The following SEMA3E variants were observed in gnomAD, a reference collection of about 807,000 sequenced individuals.
The protein encoded by SEMA3E is semaphorin-3E.
Under a neutral mutation model 93.6 loss-of-function variants are expected in SEMA3E, and 49 were observed. The observed-to-expected ratio is 0.52, with a 90% CI of 0.42 to 0.66. The LOEUF (loss-of-function observed/expected upper bound fraction) is 0.66. SEMA3E is among the 30% of genes least tolerant of loss of function. SEMA3E has a pLI of 0.00. For synonymous variants in SEMA3E, 363 were observed against 330.7 expected, an observed-to-expected ratio of 1.10 and a Z score of -1.06; for missense variants, 906 against 964.8, an observed-to-expected ratio of 0.94 and a Z score of 0.81.
intron 2 of SEMA3E, among the ~76,000 whole-genome samples, chr7:83,488,536 G>T (rs1287802052): frequency 6.6e-6 from 1 of 152,130 alleles, no homozygotes; most frequent in Non-Finnish European, 1.5e-5. Flanking sequence ...GAAGCAAGTG[G>T]TTTCAACCTA....
chr7:83,532,524 C>T (rs935433711), intron 1 of SEMA3E, among the ~76,000 whole-genome samples: 2 of 152,116 alleles, frequency 1.3e-5, no homozygotes, highest in Admixed American at 1.3e-4. Flanking sequence ...TACAGTACAG[C>T]GGGATGTAAC....
At chr7:83,376,842 C>A (rs1292006817) in intron 16 of SEMA3E, among the ~76,000 whole-genome samples, 1 of 151,918 alleles carries the variant, frequency 6.6e-6, no homozygotes, top group African/African-American at 2.4e-5. Context: ...CACAGAAACA[C>A]ATATTTCCTC....
intron 1 of SEMA3E, among the ~76,000 whole-genome samples, chr7:83,503,010 C>CTTTTTTTTT (rs71522664): frequency 7.2e-6 from 1 of 138,872 alleles, no homozygotes. Context: ...TTCTTTCTCT[C>CTTTTTTTTT]TCTTTTTTTT....
intron 1 of SEMA3E, among the ~76,000 whole-genome samples, chr7:83,639,932 G>C (rs1793969237): frequency 6.6e-6 from 1 of 151,958 alleles, no homozygotes; most frequent in Admixed American, 6.6e-5. Flanking sequence ...GAAAGGACCT[G>C]AAGTTCATAA....
intron 1 of SEMA3E, among the ~76,000 whole-genome samples, chr7:83,597,672 G>A (rs542374814): frequency 4.3e-4 from 66 of 152,204 alleles, no homozygotes; most frequent in African/African-American, 1.5e-3. Context: ...TAGATTCAGC[G>A]TGTATAAATA....
chr7:83,526,967 C>T (rs185178134), intron 1 of SEMA3E, among the ~76,000 whole-genome samples: 2 of 149,568 alleles, frequency 1.3e-5, no homozygotes, highest in East Asian at 2.0e-4. Flanking sequence ...CCCAGCTTTG[C>T]GAGTGTGACC....
intron 5 of SEMA3E, among the ~76,000 whole-genome samples, chr7:83,413,544 T>A (rs1041424981): frequency 6.6e-6 from 1 of 152,100 alleles, no homozygotes; most frequent in African/African-American, 2.4e-5. Context: ...CAAAATGCAC[T>A]TGGGAGGATG....
At chr7:83,527,003 G>A (rs754257935) in intron 1 of SEMA3E, among the ~76,000 whole-genome samples, 5 of 151,980 alleles carry the variant, frequency 3.3e-5, no homozygotes, top group Non-Finnish European at 7.4e-5. Context: ...GTCTTATAAG[G>A]TAATATGAGG....
intron 4 of SEMA3E, among the ~76,000 whole-genome samples, chr7:83,430,341 T>A (rs1040921327): frequency 2.0e-5 from 3 of 151,936 alleles, no homozygotes; most frequent in African/African-American, 7.3e-5. Context: ...GGTGCACACC[T>A]GTAATGCCAG....
chr7:83,480,481 G>A (rs1011577590), intron 2 of SEMA3E, among the ~76,000 whole-genome samples: 1 of 151,946 alleles, frequency 6.6e-6, no homozygotes, highest in Non-Finnish European at 1.5e-5. Context: ...AAAGTCACAG[G>A]GAATGTTTTT....
intron 4 of SEMA3E, among the ~76,000 whole-genome samples, chr7:83,446,724 GA>G (rs1290414666): frequency 1.3e-5 from 2 of 152,152 alleles, no homozygotes; most frequent in Non-Finnish European, 1.5e-5. Flanking sequence ...ACATTATAAT[GA>G]AAATAACTTG....
chr7:83,368,538 T>C (rs925366786), intron 16 of SEMA3E, among the ~76,000 whole-genome samples: 1 of 152,176 alleles, frequency 6.6e-6, no homozygotes, highest in Non-Finnish European at 1.5e-5. Context: ...AGAACTGGGC[T>C]CCTTTCACTT....
Position 83,400,238 on chromosome 7 carries a change from C to T in SEMA3E, c.1156G>A (p.Val386Ile). 3.7e-6 allele frequency: 6 copies of T among 1,613,922 alleles called. No homozygotes were observed. The highest frequency in any genetic ancestry group is 5.1e-6 in the Non-Finnish European group (6 of 1,179,908). The change falls in exon 11 of 17, where the codon GTA (valine) becomes ATA (isoleucine). Residue 386 changes from valine (V) to isoleucine (I), a missense_variant. Coordinates refer to ENST00000643230, the MANE Select transcript of SEMA3E (RefSeq NM_012431.3). ...GTGGTTCCGTATCTCCCTCCATTTA[C>T]TTTGCTGGCACACTGAAAAACAAGT... The part of the protein sequence containing the change: ...YPRPGSCASK[V>I]NGGRYGTTKD...
chr7:83,468,371 A>G (rs2249188), intron 3 of SEMA3E, among the ~76,000 whole-genome samples: 67,791 of 151,976 alleles, frequency 0.45, 16,423 homozygotes, highest in East Asian at 0.66. Flanking sequence ...CTGAGAGGGA[A>G]CCTATTAGAC....
chr7:83,433,445 A>G (rs1430069269), intron 4 of SEMA3E, among the ~76,000 whole-genome samples: 1 of 152,102 alleles, frequency 6.6e-6, no homozygotes, highest in East Asian at 1.9e-4. Context: ...CGAAATTCTT[A>G]TCTTTATTTA....
intron 2 of SEMA3E, among the ~76,000 whole-genome samples, chr7:83,486,301 A>G (rs1052621839): frequency 2.6e-5 from 4 of 152,188 alleles, no homozygotes; most frequent in Admixed American, 1.3e-4. Context: ...ACAAGCCAGG[A>G]ATGCAGCTAA....
intron 1 of SEMA3E, among the ~76,000 whole-genome samples, chr7:83,524,463 T>C (rs1584307811): frequency 6.6e-6 from 1 of 152,136 alleles, no homozygotes; most frequent in African/African-American, 2.4e-5. Context: ...AAGTTAGCAA[T>C]TCTAGGAATT....
At chr7:83,592,770 T>C (rs947674579) in intron 1 of SEMA3E, among the ~76,000 whole-genome samples, 2 of 151,940 alleles carry the variant, frequency 1.3e-5, no homozygotes, top group African/African-American at 2.4e-5. Context: ...ATAAAACAAC[T>C]GAAGTAAAGC....
Position 83,368,012 on chromosome 7 carries a change from C to T in SEMA3E, c.1902G>A (p.Lys634=), listed in dbSNP as rs1421125629. The change falls in exon 17 of 17, where the codon AAG becomes AAA. Residue 634 remains lysine, a synonymous_variant. Transcript: ENST00000643230. The part of the protein sequence containing the change: ...EEVKTDDRVV[K]MDLGLLFLRL... ...TTAGGAAGAGTAAACCAAGGTCCAT[C>T]TTAACCACTCTGTCATCTGTCTTCA... The T allele has an allele frequency of 6.2e-7, 1 of 1,614,010 alleles. No homozygotes were observed. The highest frequency in any genetic ancestry group is 1.1e-5 in the South Asian group (1 of 91,092).
Sources: allele counts gnomAD v4.1 joint callset (sites outside exome capture counted in the v4.1 genomes callset), GRCh38; gene constraint gnomAD v4.1.1; transcripts MANE v1.5; gene names NCBI Gene and HGNC (gene_info 2026-07-23, HGNC 2026-07-21).